The following SLC38A10 variants were observed in gnomAD, a reference collection of about 807,000 sequenced individuals.
SLC38A10 encodes Sodium-coupled neutral amino acid transporter 10.
A neutral mutation model predicts 81.0 loss-of-function variants in SLC38A10; 53 were observed. That is an observed-to-expected ratio of 0.65 (90% CI 0.53 to 0.82). SLC38A10 has a LOEUF of 0.82. Among genes scored for constraint, SLC38A10 ranks in the 40% least tolerant of loss-of-function variants. The pLI, the probability that SLC38A10 is intolerant of heterozygous loss-of-function variation, is 0.00. For synonymous variants in SLC38A10, 665 were observed against 655.3 expected, an observed-to-expected ratio of 1.01 and a Z score of -0.23; for missense variants, 1,471 against 1,545.0, an observed-to-expected ratio of 0.95 and a Z score of 0.80.
At chr17:81,263,892 G>C (rs540596802) in intron 10 of SLC38A10, 1 of 152,560 alleles carries the variant, frequency 6.6e-6, no homozygotes, top group Non-Finnish European at 1.5e-5. Context: ...GCGGGAACAC[G>C]GACCCAGCAG....
chr17:81,268,668 T>G (rs2063090257), intron 10 of SLC38A10, among the ~76,000 whole-genome samples: 1 of 152,042 alleles, frequency 6.6e-6, no homozygotes, highest in Admixed American at 6.5e-5. Context: ...AGAATAGAAA[T>G]GTACCAACAA....
chr17:81,274,049 T>C (rs1429605792), intron 8 of SLC38A10, among the ~76,000 whole-genome samples: 1 of 152,242 alleles, frequency 6.6e-6, no homozygotes, highest in African/African-American at 2.4e-5. Context: ...AACGCCATTG[T>C]CAATTTTTTA....
Position 81,253,517 on chromosome 17 carries a change from G to A in SLC38A10, c.1289-277C>T, listed in dbSNP as rs369501952. Among the ~76,000 whole-genome samples the A allele has an allele frequency of 3.9e-5, 6 of 151,976 alleles. No homozygotes were observed. Among genetic ancestry groups the A allele is most frequent in the Non-Finnish European group, 8.8e-5 (6 of 67,984 alleles). ...TCATTACCACCAGATGGCGGCACGA[G>A]CCCACCGACCCACTCTCCCACAGTC... is the stretch of plus-strand genomic sequence containing the variant. On this transcript the variant is annotated intron_variant, in intron 11 of 15. Coordinates refer to ENST00000374759, the MANE Select transcript of SLC38A10 (RefSeq NM_001037984.3). The surrounding 1 kb of genome is among the most constrained non-coding windows in gnomAD (Gnocchi z 4.1).
At chr17:81,280,516 G>A (rs1013011477) in intron 6 of SLC38A10, 93 bp downstream of exon 6, 110 of 1,542,646 alleles carry the variant, frequency 7.1e-5, no homozygotes, top group East Asian at 2.8e-4. Flanking sequence ...AGCAAAGAGC[G>A]ATCACAGTAA....
At chr17:81,263,945 T>G (rs932656074) in intron 10 of SLC38A10, 7 of 152,442 alleles carry the variant, frequency 4.6e-5, no homozygotes, top group African/African-American at 1.4e-4. Context: ...CAGCATTCAC[T>G]GAAGTCCCCA....
intron 10 of SLC38A10, among the ~76,000 whole-genome samples, chr17:81,266,031 T>G (rs1164526784): frequency 1.3e-5 from 2 of 152,170 alleles, no homozygotes. Context: ...TGTCTACACA[T>G]GTCTACACAC....
In SLC38A10 at chr17:81,253,936, A is replaced by T. The variant is rs1598382534; in HGVS notation, c.1289-696T>A. Among the ~76,000 whole-genome samples, 1 of 151,534 alleles carries T rather than the reference A, an allele frequency of 6.6e-6. No individual in the cohort carries two copies. Among genetic ancestry groups the T allele is most frequent in the African/African-American group, 2.4e-5 (1 of 41,074 alleles). On this transcript the variant is annotated intron_variant, in intron 11 of 15. Coordinates refer to ENST00000374759, the MANE Select transcript of SLC38A10 (RefSeq NM_001037984.3). The surrounding 1 kb of genome is among the most constrained non-coding windows in gnomAD (Gnocchi z 4.1). Reference sequence around the variant, plus strand: ...TGCCAACCCTACCATCATTGCCATCACCTCCATTATCGTCATCACCACCAC... The same window carrying T: ...TGCCAACCCTACCATCATTGCCATCTCCTCCATTATCGTCATCACCACCAC...
At chr17:81,284,934 T>C (rs1231028986) in intron 2 of SLC38A10, 39 bp from the exon 3 acceptor site, 1 of 1,525,324 alleles carries the variant, frequency 6.6e-7, no homozygotes, top group Admixed American at 2.1e-5. Context: ...TCCAACAGCG[T>C]GAGAAGCTCG....
Position 81,289,744 on chromosome 17 carries a change from A to G in SLC38A10, c.164T>C (p.Met55Thr). 3 of 1,611,820 alleles carry G rather than the reference A, an allele frequency of 1.9e-6. No homozygotes were observed. Among genetic ancestry groups the G allele is most frequent in the Non-Finnish European group, 2.5e-6 (3 of 1,179,724 alleles). The change falls in exon 2 of 16, where the codon ATG (methionine) becomes ACG (threonine). Residue 55 changes from methionine (M) to threonine (T), a missense_variant. Physicochemically the swap from Met to Thr is moderately conservative, Grantham distance 81. Coordinates refer to ENST00000374759, the MANE Select transcript of SLC38A10 (RefSeq NM_001037984.3). This position sits in a 1 kb window ranked among gnomAD's most constrained non-coding sequence, Gnocchi z 5.9. ...FCSWMTHQSC[M>T]FLVKSASLSK... is the part of the protein sequence containing the mutation. ...CAGGCTGGCCGACTTCACCAAGAAC[A>G]TGCACGACTGGTGCGTCATCCATGA...
intron 9 of SLC38A10, among the ~76,000 whole-genome samples, chr17:81,271,841 C>A (rs2063118563): frequency 6.6e-6 from 1 of 151,070 alleles, no homozygotes; most frequent in South Asian, 2.1e-4. Context: ...ATTCTCCTGC[C>A]TCAGCCTCCC....
At position 81,295,079 on chromosome 17, in the gene SLC38A10, C is replaced by G; in HGVS notation, c.-158G>C. ...CTGAACACGGGAGCCTGAGCAGGCG[C>G]GGGCGCGGGCCCCAGAGGCTGCCTG... is the stretch of plus-strand genomic sequence containing the variant. On this transcript the variant is annotated 5_prime_UTR_variant, in exon 1 of 16. Coordinates refer to ENST00000374759, the MANE Select transcript of SLC38A10 (RefSeq NM_001037984.3). 3.2e-6 allele frequency: 4 copies of G among 1,247,908 alleles called. No homozygotes were observed. The highest frequency in any genetic ancestry group is 4.0e-6 in the Non-Finnish European group (4 of 989,142). 77.3% of individuals were successfully genotyped at this position (1,247,908 alleles called of 1,614,324 possible).
intron 14 of SLC38A10, chr17:81,250,986 A>G: frequency 7.4e-7 from 1 of 1,344,908 alleles, no homozygotes; most frequent in Non-Finnish European, 9.5e-7. Flanking sequence ...CCGAGGCCCG[A>G]GGGTGTGGGA....
chr17:81,252,544 T>A lies in SLC38A10; in HGVS notation c.1596A>T (p.Pro532=). The part of the protein sequence containing the change: ...PPSRHAGGKA[P]GVQGQMAPPL... ...GCGGCGCCATCTGGCCCTGGACCCC[T>A]GGAGCCTTTCCGCCCGCGTGTCTGG... is the stretch of plus-strand genomic sequence containing the variant. Residue 532 remains proline, a synonymous_variant, in exon 13 of 16, where the codon CCA becomes CCT. Coordinates refer to ENST00000374759, the MANE Select transcript of SLC38A10 (RefSeq NM_001037984.3). 6.2e-7 allele frequency: 1 copy of A among 1,613,406 alleles called. No individual in the cohort carries two copies. Among genetic ancestry groups the A allele is most frequent in the Non-Finnish European group, 8.5e-7 (1 of 1,180,026 alleles).
At chr17:81,250,178 G>T in intron 14 of SLC38A10, 1 of 1,224,406 alleles carries the variant, frequency 8.2e-7, no homozygotes, top group Non-Finnish European at 1.1e-6. Context: ...AAAATCAAAA[G>T]AATCAAACAG....
chr17:81,250,750 G>A, intron 14 of SLC38A10: 3 of 871,122 alleles, frequency 3.4e-6, no homozygotes, highest in Non-Finnish European at 4.2e-6. Flanking sequence ...GCCTGGGAGA[G>A]GACATGGCAC....
chr17:81,252,277 A>G lies in SLC38A10; in HGVS notation c.1863T>C (p.Gly621=). ...GTCCCCCCTTGGCCTTTTCCCCTCC[A>G]CCCACCGCCAGGCCGTTCTGCTGCT... The part of the protein sequence containing the change: ...LSEQQNGLAV[G]GGEKAKGGPP... Residue 621 remains glycine (G), a synonymous_variant, in exon 13 of 16, where the codon GGT becomes GGC. Transcript: ENST00000374759. 6.3e-7 allele frequency: 1 copy of G among 1,597,148 alleles called. No homozygotes were observed.
chr17:81,246,221 C>T lies in SLC38A10; in HGVS notation c.2695G>A (p.Val899Met). The T allele has an allele frequency of 6.2e-7, 1 of 1,612,790 alleles. No homozygotes were observed. Reference sequence around the variant, plus strand: ...AGAATGCTGGTGCCAGTGGCTGCCACCTCCTTCCCAGGTTTTTTCCTGTCT... The same window carrying T: ...AGAATGCTGGTGCCAGTGGCTGCCATCTCCTTCCCAGGTTTTTTCCTGTCT... ...SQDRKKPGKE[V>M]AATGTSILKE... is the part of the protein sequence containing the mutation. Residue 899 changes from valine (V) to methionine (M), a missense_variant, in exon 16 of 16, where the codon GTG (valine) becomes ATG (methionine). Physicochemically the swap from Val to Met is conservative, Grantham distance 21 (BLOSUM62 1). Transcript: ENST00000374759.
intron 10 of SLC38A10, chr17:81,264,717 T>G (rs374551415): frequency 1.3e-5 from 2 of 152,252 alleles, no homozygotes; most frequent in Admixed American, 6.5e-5. Flanking sequence ...GCGCCTCGAT[T>G]TGGGTCTCAG....
intron 2 of SLC38A10, among the ~76,000 whole-genome samples, chr17:81,287,429 A>T (rs1005917184): frequency 6.6e-6 from 1 of 152,138 alleles, no homozygotes; most frequent in Non-Finnish European, 1.5e-5. Flanking sequence ...GGAGAGTCTC[A>T]TCTTACCCTC....
Sources: gnomAD v4.1 joint callset for allele counts (sites outside exome capture counted in the v4.1 genomes callset) on GRCh38, gnomAD v4.1.1 for gene constraint, Gnocchi (gnomAD v3.1) non-coding constraint, MANE v1.5 for transcripts, NCBI Gene and HGNC (gene_info 2026-07-23, HGNC 2026-07-21) for gene names.